KIAA0825: variants seen among roughly 807,000 people sequenced by gnomAD.
The protein encoded by KIAA0825 is KIAA0825.
Under a neutral mutation model 147.6 loss-of-function variants are expected in KIAA0825, and 119 were observed. The ratio of observed to expected loss-of-function variants is 0.81; its 90% CI spans 0.69 to 0.94. KIAA0825 has a LOEUF of 0.94. Among genes scored for constraint, KIAA0825 ranks in the 40% least tolerant of loss-of-function variants. The pLI, the probability that KIAA0825 is intolerant of heterozygous loss-of-function variation, is 0.00. For synonymous variants in KIAA0825, 470 were observed against 518.1 expected, an observed-to-expected ratio of 0.91 and a Z score of 1.26; for missense variants, 1,381 against 1,472.7, an observed-to-expected ratio of 0.94 and a Z score of 1.02.
intron 8 of KIAA0825, among the ~76,000 whole-genome samples, chr5:94,472,988 TGGAGTCATTCAAACGTATAATCAAAACA>T (rs1761409959): frequency 6.6e-6 from 1 of 152,150 alleles, no homozygotes; most frequent in South Asian, 2.1e-4. Context: ...TAAATTTTCC[TGGAGTCATTCAAACGTATAATCAAAACA>T]GGTGGTTTTC....
At chr5:94,289,615 G>A (rs1290712286) in intron 20 of KIAA0825, among the ~76,000 whole-genome samples, 4 of 150,880 alleles carry the variant, frequency 2.7e-5, no homozygotes, top group African/African-American at 9.7e-5. Flanking sequence ...TTGTTCTAAA[G>A]AAAAGAAGAA....
chr5:94,407,066 TAAAAG>T (rs1752160002), intron 15 of KIAA0825, among the ~76,000 whole-genome samples: 1 of 151,908 alleles, frequency 6.6e-6, no homozygotes, highest in South Asian at 2.1e-4. Flanking sequence ...GAAAAAGAAA[TAAAAG>T]AAAAGAAAAA....
intron 20 of KIAA0825, among the ~76,000 whole-genome samples, chr5:94,229,610 G>T (rs1774512378): frequency 6.6e-6 from 1 of 151,424 alleles, no homozygotes; most frequent in African/African-American, 2.4e-5. Context: ...GCGTTAGGAA[G>T]ACATCTCGAA....
At chr5:94,471,428 T>A in intron 9 of KIAA0825, 38 bp downstream of exon 9, 1 of 1,538,086 alleles carries the variant, frequency 6.5e-7, no homozygotes, top group Non-Finnish European at 8.8e-7. Context: ...ACACGTTTCT[T>A]TAAGCGTGGC....
chr5:94,528,364 T>A (rs183882235), intron 3 of KIAA0825, among the ~76,000 whole-genome samples: 1 of 152,300 alleles, frequency 6.6e-6, no homozygotes, highest in African/African-American at 2.4e-5. Context: ...CCTCTCTTGA[T>A]TTGTTGTTAT....
At chr5:94,486,613 A>G (rs889122584) in intron 5 of KIAA0825, among the ~76,000 whole-genome samples, 2 of 152,138 alleles carry the variant, frequency 1.3e-5, no homozygotes, top group African/African-American at 4.8e-5. Flanking sequence ...AGCCCAATAT[A>G]CATGAAAATC....
At chr5:94,293,740 G>A (rs1778009947) in intron 20 of KIAA0825, among the ~76,000 whole-genome samples, 1 of 152,162 alleles carries the variant, frequency 6.6e-6, no homozygotes, top group Non-Finnish European at 1.5e-5. Flanking sequence ...TATCGTGAGG[G>A]AGTCTAAGTC....
chr5:94,286,433 C>T (rs1392521977), intron 20 of KIAA0825, among the ~76,000 whole-genome samples: 1 of 152,292 alleles, frequency 6.6e-6, no homozygotes, highest in African/African-American at 2.4e-5. Context: ...CAGTTTCCTC[C>T]GTTAGACTGT....
rs1314663888 is a variant in KIAA0825 at position 94,439,974 on chromosome 5, A to G, written c.2497+8T>C. ...TTCGAGGACATTCTTATAACTACACATACTCACTTGAGCTCTTCAGCAAGA... is the reference window on the plus strand; with the variant it reads ...TTCGAGGACATTCTTATAACTACACGTACTCACTTGAGCTCTTCAGCAAGA... On this transcript the variant is annotated splice_region_variant and intron_variant, in intron 14 of 20. Transcript: ENST00000682413. 12 of 1,550,578 alleles carry G rather than the reference A, an allele frequency of 7.7e-6. No homozygotes were observed. The highest frequency in any genetic ancestry group is 6.1e-6 in the Non-Finnish European group (7 of 1,146,372).
intron 5 of KIAA0825, among the ~76,000 whole-genome samples, chr5:94,486,969 T>A (rs1437156378): frequency 6.6e-6 from 1 of 152,188 alleles, no homozygotes; most frequent in Non-Finnish European, 1.5e-5. Context: ...GTTTAAGAAG[T>A]CTTTATCTGG....
rs193137277 is a variant in KIAA0825 at position 94,231,692 on chromosome 5, T to C, written c.3711-77568A>G. Among the ~76,000 whole-genome samples, 247 of 152,246 alleles carry C rather than the reference T, an allele frequency of 1.6e-3. 1 individual carries two copies. Among genetic ancestry groups the C allele is most frequent in the Admixed American group, 0.015 (224 of 15,298 alleles). On this transcript the variant is annotated intron_variant, in intron 20 of 20. Transcript: ENST00000682413. ...AGATATTAAGATTCTAATCATTACG[T>C]ATCTGGATGGATGTTCAAAGAGCTA...
chr5:94,224,036 A>G (rs1017968981), intron 20 of KIAA0825, among the ~76,000 whole-genome samples: 8 of 147,944 alleles, frequency 5.4e-5, no homozygotes, highest in Admixed American at 1.3e-4. Context: ...TCTCTTCAAA[A>G]TCAACTCCAT....
intron 3 of KIAA0825, 99 bp from the exon 4 acceptor site, chr5:94,524,197 C>T (rs1301027442): frequency 1.7e-6 from 1 of 594,648 alleles, no homozygotes; most frequent in Non-Finnish European, 2.7e-6. Flanking sequence ...TGGTACCTGG[C>T]TTTGTACAAT....
chr5:94,598,232 T>A (rs949443223), intron 1 of KIAA0825, among the ~76,000 whole-genome samples: 3 of 152,128 alleles, frequency 2.0e-5, no homozygotes, highest in South Asian at 2.1e-4. Context: ...TATAAGTTTT[T>A]AAAAAATATT....
At chr5:94,347,722 C>T (rs1783177825) in intron 20 of KIAA0825, among the ~76,000 whole-genome samples, 1 of 152,170 alleles carries the variant, frequency 6.6e-6, no homozygotes, top group Non-Finnish European at 1.5e-5. Context: ...GGTAATATGA[C>T]AAAACAAGGC....
intron 14 of KIAA0825, among the ~76,000 whole-genome samples, chr5:94,429,791 A>G (rs1206091777): frequency 6.6e-6 from 1 of 152,206 alleles, no homozygotes; most frequent in African/African-American, 2.4e-5. Context: ...AAGCGCCCAG[A>G]AGTGTCACTC....
At chr5:94,382,669 T>C (rs1339191040) in intron 20 of KIAA0825, among the ~76,000 whole-genome samples, 1 of 152,218 alleles carries the variant, frequency 6.6e-6, no homozygotes. Flanking sequence ...CTGTTATTTC[T>C]GGCTAAATTT....
Position 94,224,093 on chromosome 5 carries a change from T to C in KIAA0825, c.3711-69969A>G, listed in dbSNP as rs1192788174. ...TTTCTTTTTCTTTTCTTTTTTTTTTTTTTTTTTTTTTTTTTTTTGAGAAAG... is the reference window on the plus strand; with the variant it reads ...TTTCTTTTTCTTTTCTTTTTTTTTTCTTTTTTTTTTTTTTTTTTGAGAAAG... On this transcript the variant is annotated intron_variant, in intron 20 of 20. Coordinates refer to ENST00000682413, the MANE Select transcript of KIAA0825 (RefSeq NM_001145678.3). Among the ~76,000 whole-genome samples, 181 of 124,380 alleles carry C rather than the reference T, an allele frequency of 1.5e-3. 1 individual carries two copies. The highest frequency in any genetic ancestry group is 5.2e-3 in the African/African-American group (171 of 32,810). The allele number at this position is 124,380 out of a possible 152,430, so 81.6% of individuals were successfully genotyped here.
intron 20 of KIAA0825, among the ~76,000 whole-genome samples, chr5:94,257,394 A>C (rs546437399): frequency 6.6e-6 from 1 of 152,276 alleles, no homozygotes; most frequent in African/African-American, 2.4e-5. Flanking sequence ...AAAATACTCC[A>C]AACACACATA....
Sources: gnomAD v4.1 joint callset for allele counts (sites outside exome capture counted in the v4.1 genomes callset) on GRCh38, gnomAD v4.1.1 for gene constraint, MANE v1.5 for transcripts, NCBI Gene and HGNC (gene_info 2026-07-23, HGNC 2026-07-21) for gene names.